The following AKR1B15 variants were observed in gnomAD, a reference collection of about 807,000 sequenced individuals.
AKR1B15 encodes the protein aldo-keto reductase family 1 member B15, also known as estradiol 17-beta-dehydrogenase AKR1B15.
Under a neutral mutation model 38.5 loss-of-function variants are expected in AKR1B15, and 49 were observed. The observed-to-expected ratio is 1.27, with a 90% CI of 1.01 to 1.62. AKR1B15 has a LOEUF of 1.62. AKR1B15 is among the 40% of genes most tolerant of loss of function. The pLI is 0.00. For synonymous variants in AKR1B15, 137 were observed against 135.5 expected (o/e 1.01, Z -0.08); for missense variants, 411 against 381.6 (o/e 1.08, Z -0.64).
Position 134,566,385 on chromosome 7 carries a change from G to C in AKR1B15, c.150+1616G>C, listed in dbSNP as rs186414600. 3.0e-3 allele frequency among the ~76,000 whole-genome samples: 462 copies of C among 152,278 alleles called. 1 individual carries two copies. Among genetic ancestry groups the C allele is most frequent in the Middle Eastern group, 0.017 (5 of 294 alleles). On this transcript the variant is annotated intron_variant, in intron 3 of 11. Coordinates refer to ENST00000457545, the MANE Select transcript of AKR1B15 (RefSeq NM_001080538.3). The stretch of plus-strand genomic sequence containing the variant: ...TGCACTTTAACAAGTTCCCTAGGTG[G>C]TTCCTGTACACATTGAAATCTGCAA...
intron 5 of AKR1B15, among the ~76,000 whole-genome samples, chr7:134,570,631 G>A (rs1176480852): frequency 6.6e-6 from 1 of 152,196 alleles, no homozygotes; most frequent in Non-Finnish European, 1.5e-5. Flanking sequence ...TGAATTATCA[G>A]GGGCGGATTC....
intron 1 of AKR1B15, among the ~76,000 whole-genome samples, chr7:134,550,124 G>A (rs1793915716): frequency 6.6e-6 from 1 of 152,152 alleles, no homozygotes; most frequent in African/African-American, 2.4e-5. Flanking sequence ...CCACCCTGCT[G>A]ACCTCCTTAC....
intron 1 of AKR1B15, among the ~76,000 whole-genome samples, chr7:134,551,002 C>A (rs1793951420): frequency 6.6e-6 from 1 of 152,208 alleles, no homozygotes; most frequent in Non-Finnish European, 1.5e-5. Context: ...TCCTTCATGG[C>A]TCCACTCGTG....
intron 11 of AKR1B15, 145 bp from the exon 12 acceptor site, chr7:134,579,362 G>T (rs1024246172): frequency 7.8e-6 from 5 of 642,736 alleles, no homozygotes; most frequent in Non-Finnish European, 1.0e-5. Context: ...GAAGGTCAAG[G>T]TGTAAGCACC....
At chr7:134,560,016 G>A (rs1794335252) in intron 2 of AKR1B15, among the ~76,000 whole-genome samples, 1 of 152,058 alleles carries the variant, frequency 6.6e-6, no homozygotes, top group African/African-American at 2.4e-5. Context: ...GCTGAGGCAG[G>A]AGAATTGCTT....
chr7:134,556,712 T>TG (rs1794209805), intron 1 of AKR1B15, 24 bp from the exon 2 acceptor site: 1 of 152,134 alleles, frequency 6.6e-6, no homozygotes, highest in East Asian at 1.9e-4. Context: ...AACTTCTCAT[T>TG]GCTCCCCCTG....
At chr7:134,577,841 G>A (rs1794799115) in intron 11 of AKR1B15, 55 bp downstream of exon 11, 5 of 1,580,910 alleles carry the variant, frequency 3.2e-6, no homozygotes, top group Non-Finnish European at 3.5e-6. Context: ...TAAACTGGTA[G>A]AGGGTTAGTT....
intron 2 of AKR1B15, among the ~76,000 whole-genome samples, chr7:134,562,149 T>C (rs755022503): frequency 1.4e-4 from 22 of 151,990 alleles, no homozygotes; most frequent in Admixed American, 6.6e-5. Context: ...GTGTCTGGAG[T>C]TGATTCCTTC....
intron 2 of AKR1B15, among the ~76,000 whole-genome samples, chr7:134,557,984 C>T (rs150300828): frequency 2.8e-4 from 43 of 152,128 alleles, no homozygotes; most frequent in East Asian, 5.8e-4. Context: ...GAACAAAAGA[C>T]GTTGATAAAA....
intron 6 of AKR1B15, 127 bp from the exon 7 acceptor site, chr7:134,575,293 G>A (rs2117669530): frequency 2.8e-6 from 4 of 1,429,846 alleles, no homozygotes; most frequent in Non-Finnish European, 3.7e-6. Context: ...GAAATTTCCT[G>A]TGAATGCTTC....
At chr7:134,567,459 G>T (rs1282779186) in intron 3 of AKR1B15, among the ~76,000 whole-genome samples, 2 of 151,924 alleles carry the variant, frequency 1.3e-5, no homozygotes, top group African/African-American at 4.8e-5. Flanking sequence ...ATAATGGACG[G>T]CCTGTACTGA....
intron 1 of AKR1B15, among the ~76,000 whole-genome samples, chr7:134,555,823 G>C (rs913939584): frequency 6.6e-6 from 1 of 152,114 alleles, no homozygotes; most frequent in Non-Finnish European, 1.5e-5. Flanking sequence ...CCAGAGCGTT[G>C]ACTTTTACCT....
chr7:134,578,648 A>G (rs1407002512), intron 11 of AKR1B15, among the ~76,000 whole-genome samples: 1 of 152,260 alleles, frequency 6.6e-6, no homozygotes, highest in Non-Finnish European at 1.5e-5. Context: ...CTGCAATTCA[A>G]TGGCAATTTG....
intron 6 of AKR1B15, among the ~76,000 whole-genome samples, chr7:134,574,546 C>T (rs1794723488): frequency 6.6e-6 from 1 of 152,170 alleles, no homozygotes; most frequent in Non-Finnish European, 1.5e-5. Flanking sequence ...TAGAAGGGAA[C>T]TCTAGCACTT....
At chr7:134,562,127 A>T (rs559479430) in intron 2 of AKR1B15, among the ~76,000 whole-genome samples, 1 of 152,176 alleles carries the variant, frequency 6.6e-6, no homozygotes, top group Admixed American at 6.5e-5. Context: ...GGGATTACAG[A>T]CATGTGCCAC....
At chr7:134,552,541 C>T (rs1314828578) in intron 1 of AKR1B15, among the ~76,000 whole-genome samples, 1 of 152,056 alleles carries the variant, frequency 6.6e-6, no homozygotes, top group Non-Finnish European at 1.5e-5. Context: ...ATACTCACAC[C>T]ATGTGAGATC....
chr7:134,571,467 T>C (rs946220644), intron 5 of AKR1B15, 137 bp from the exon 6 acceptor site: 5 of 708,140 alleles, frequency 7.1e-6, no homozygotes, highest in Non-Finnish European at 1.3e-5. Flanking sequence ...CTCACATTCT[T>C]GTAGTATGTA....
rs141801442 is a variant in AKR1B15 at position 134,566,350 on chromosome 7, A to G, written c.150+1581A>G. 1.6e-3 allele frequency among the ~76,000 whole-genome samples: 243 copies of G among 152,310 alleles called. 1 individual carries two copies. The highest frequency in any genetic ancestry group is 2.6e-3 in the Non-Finnish European group (176 of 68,016). On this transcript the variant is annotated intron_variant, in intron 3 of 11. Transcript: ENST00000457545. ...GTCTCAGGCTTCACCCAGGCTACCT[A>G]ACGGGCATCTGCACTTTAACAAGTT...
intron 3 of AKR1B15, chr7:134,565,660 A>T (rs1272955259): frequency 5.3e-5 from 81 of 1,515,550 alleles, no homozygotes; most frequent in Non-Finnish European, 6.7e-5. Context: ...GGAGAGGTGA[A>T]TTTCAGTCCT....
Sources: gnomAD v4.1 joint callset for allele counts (sites outside exome capture counted in the v4.1 genomes callset) on GRCh38, gnomAD v4.1.1 for gene constraint, MANE v1.5 for transcripts, NCBI Gene and HGNC (gene_info 2026-07-23, HGNC 2026-07-21) for gene names.